The following EMID1 variants were observed in gnomAD, a reference collection of about 807,000 sequenced individuals.
EMID1 encodes the protein EMI domain-containing protein 1.
In EMID1, 40 loss-of-function variants were observed where a neutral mutation model predicts 60.6. The observed-to-expected ratio is 0.66, with a 90% CI of 0.51 to 0.86. The LOEUF is 0.86. Among genes scored for constraint, EMID1 ranks in the 40% least tolerant of loss-of-function variants. The pLI is 0.00. For synonymous variants in EMID1, 242 were observed against 231.0 expected (o/e 1.05, Z -0.43); for missense variants, 585 against 597.1 (o/e 0.98, Z 0.21).
At chr22:29,215,232 G>T (rs1226808796) in intron 2 of EMID1, 193 bp downstream of exon 2, 1 of 985,328 alleles carries the variant, frequency 1.0e-6, no homozygotes, top group Non-Finnish European at 1.2e-6. Flanking sequence ...GGCTTCCTGA[G>T]GGATGGATAC....
rs1321101201 is a variant in EMID1 at position 29,231,600 on chromosome 22, C to T, written c.594C>T (p.Val198=). The change falls in exon 7 of 15, where the codon GTC becomes GTT. Residue 198 remains valine, a synonymous_variant. Coordinates refer to ENST00000334018, the MANE Select transcript of EMID1 (RefSeq NM_133455.4). ...SPGDGGLQDQ[V]GAWGLPGPTG... ...ATATGCTTTACCCCCCAGACCAAGT[C>T]GGTGCTTGGGGGCTTCCCGGGCCCA... is the stretch of plus-strand genomic sequence containing the variant. 3.9e-6 allele frequency: 6 copies of T among 1,539,530 alleles called. No homozygotes were observed. Among genetic ancestry groups the T allele is most frequent in the South Asian group, 2.4e-5 (2 of 82,022 alleles).
In EMID1 at chr22:29,236,922, A is replaced by G. The variant is rs1309743114; in HGVS notation, c.1074+2573A>G. On this transcript the variant is annotated intron_variant, in intron 12 of 14. Transcript: ENST00000334018. ...AGCAATTCTCCTGCCTCAGCCTCCC[A>G]AGTAGCTGGGACTACAGGCGCCCAC... Among the ~76,000 whole-genome samples the G allele has an allele frequency of 3.3e-5, 5 of 150,498 alleles. No individual in the cohort carries two copies. The East Asian group carries it at 1.0e-3, about 30-fold the overall frequency.
chr22:29,255,374 C>A, intron 14 of EMID1: 1 of 1,455,190 alleles, frequency 6.9e-7, no homozygotes, highest in Middle Eastern at 1.9e-4. Context: ...AATGGCAGGG[C>A]GGGCAGGCAG....
rs1448974751 is a variant in EMID1, at chr22:29,233,788, CCATT to C, written c.966+133_966+136del. 4 of 966,126 alleles carry C rather than the reference CCATT, an allele frequency of 4.1e-6. No individual in the cohort carries two copies. In the East Asian group the frequency reaches 1.1e-4, roughly 25 times the overall value. The allele number at this position is 966,126 out of a possible 1,614,324, so 59.8% of individuals were successfully genotyped here. The stretch of plus-strand genomic sequence containing the variant: ...TCTATCCATCCATCCATTCATCCTT[CCATT>C]CATTCATTCAACAAGTATTTATTGA... On this transcript the variant is annotated intron_variant, in intron 10 of 14. Coordinates refer to ENST00000334018, the MANE Select transcript of EMID1 (RefSeq NM_133455.4).
intron 12 of EMID1, among the ~76,000 whole-genome samples, chr22:29,235,793 T>C (rs929540347): frequency 0.01 from 1,477 of 141,772 alleles, 21 homozygotes; most frequent in African/African-American, 0.037. Flanking sequence ...TTTTTTTTTT[T>C]TTTTTTTTTT....
At chr22:29,212,299 T>TA (rs1044944610) in intron 1 of EMID1, among the ~76,000 whole-genome samples, 68 of 152,144 alleles carry the variant, frequency 4.5e-4, no homozygotes, top group African/African-American at 1.6e-3. Context: ...TTTTTTTAAT[T>TA]AAAAAAAATT....
At chr22:29,215,386 A>G in intron 2 of EMID1, 141 bp from the exon 3 acceptor site, 8 of 1,271,758 alleles carry the variant, frequency 6.3e-6, no homozygotes, top group African/African-American at 1.5e-5. Context: ...TGAATCCCAA[A>G]ATGCAGGAGA....
Position 29,257,852 on chromosome 22 carries a change from T to C in EMID1, c.1205-965T>C, listed in dbSNP as rs188117832. 1.6e-3 allele frequency among the ~76,000 whole-genome samples: 250 copies of C among 152,252 alleles called. 1 individual carries two copies. Among genetic ancestry groups the C allele is most frequent in the African/African-American group, 5.4e-3 (223 of 41,560 alleles). ...GACCAAGCCATGATCCCAGCTGGCA[T>C]TGGGGCCAGTGCTCTGTGCCACTCC... On this transcript the variant is annotated intron_variant, in intron 14 of 14. Transcript: ENST00000334018.
At chr22:29,245,234 G>A (rs1054316367) in intron 13 of EMID1, among the ~76,000 whole-genome samples, 7 of 152,166 alleles carry the variant, frequency 4.6e-5, no homozygotes, top group African/African-American at 1.7e-4. Flanking sequence ...CATGAGCTGA[G>A]CTGGGATCAG....
intron 13 of EMID1, among the ~76,000 whole-genome samples, chr22:29,248,921 T>C (rs2041424335): frequency 6.6e-6 from 1 of 152,230 alleles, no homozygotes; most frequent in Admixed American, 6.5e-5. Flanking sequence ...ATGAGACCAC[T>C]GTGGAGATAT....
chr22:29,227,528 A>G (rs1281728074), intron 5 of EMID1, among the ~76,000 whole-genome samples: 1 of 151,928 alleles, frequency 6.6e-6, no homozygotes, highest in Non-Finnish European at 1.5e-5. Flanking sequence ...AACATGGCAT[A>G]ACCCTGTCTC....
At position 29,206,157 on chromosome 22, in the gene EMID1, C is replaced by T. The variant is rs2039639894; in HGVS notation, c.101+18C>T. ...GGACGCAGGTAAGAGCTCCCGGCGC[C>T]TTTGCACCCCGCTGGCCGAGGGTCC... On this transcript the variant is annotated intron_variant, in intron 1 of 14. Coordinates refer to ENST00000334018, the MANE Select transcript of EMID1 (RefSeq NM_133455.4). 3 of 1,228,554 alleles carry T rather than the reference C, an allele frequency of 2.4e-6. No individual in the cohort carries two copies. The highest frequency in any genetic ancestry group is 3.0e-6 in the Non-Finnish European group (3 of 985,336). 76.1% of individuals were successfully genotyped at this position (1,228,554 alleles called of 1,614,324 possible). A position where few individuals can be genotyped will look rare whatever the true frequency, so the allele number is the denominator to read the frequency against.
In EMID1 at chr22:29,259,031, T is replaced by A; in HGVS notation, c.*87T>A. ...GCTGCCTCCAGGGACCGCCCGTCCA[T>A]ATTTATTAATGTCCTCAGGGTCCCT... is the stretch of plus-strand genomic sequence containing the variant. On this transcript the variant is annotated 3_prime_UTR_variant, in exon 15 of 15. Transcript: ENST00000334018. 2 of 1,529,950 alleles carry A rather than the reference T, an allele frequency of 1.3e-6. No homozygotes were observed. The highest frequency in any genetic ancestry group is 4.9e-5 in the East Asian group (2 of 40,812). 94.8% of individuals were successfully genotyped at this position (1,529,950 alleles called of 1,614,324 possible).
intron 5 of EMID1, among the ~76,000 whole-genome samples, chr22:29,227,704 C>CAAAA (rs560219761): frequency 1.2e-4 from 11 of 88,948 alleles, no homozygotes; most frequent in Non-Finnish European, 1.7e-4. Context: ...GACTCTGTCT[C>CAAAA]AAAAAAAAAA....
chr22:29,210,678 G>A (rs1601892317), intron 1 of EMID1, among the ~76,000 whole-genome samples: 2 of 152,280 alleles, frequency 1.3e-5, no homozygotes, highest in East Asian at 1.9e-4. Context: ...CTACAGGCAA[G>A]CACCAATGGT....
intron 3 of EMID1, among the ~76,000 whole-genome samples, chr22:29,223,341 C>T (rs1342535976): frequency 6.6e-6 from 1 of 152,218 alleles, no homozygotes; most frequent in Non-Finnish European, 1.5e-5. Context: ...GTGGGGGGAG[C>T]AGCCGAAGCT....
chr22:29,218,515 T>G (rs1195650898), intron 3 of EMID1, among the ~76,000 whole-genome samples: 2 of 152,162 alleles, frequency 1.3e-5, no homozygotes, highest in African/African-American at 4.8e-5. Flanking sequence ...GGGACCTGTC[T>G]GAGCAAGCTT....
intron 1 of EMID1, among the ~76,000 whole-genome samples, chr22:29,210,521 C>T (rs1455658553): frequency 6.6e-6 from 1 of 151,980 alleles, no homozygotes; most frequent in Non-Finnish European, 1.5e-5. Context: ...CAGGCTTGAG[C>T]CACTGCGCCC....
intron 12 of EMID1, among the ~76,000 whole-genome samples, chr22:29,234,584 C>G (rs1381771946): frequency 6.6e-6 from 1 of 152,194 alleles, no homozygotes; most frequent in Non-Finnish European, 1.5e-5. Flanking sequence ...ACGTCTGTCT[C>G]TTTGACTCTG....
Sources: gnomAD v4.1 joint callset for allele counts (sites outside exome capture counted in the v4.1 genomes callset) on GRCh38, gnomAD v4.1.1 for gene constraint, MANE v1.5 for transcripts, NCBI Gene and HGNC (gene_info 2026-07-23, HGNC 2026-07-21) for gene names.